Variants in OPCML observed in about 807,000 individuals in gnomAD.
The protein encoded by OPCML is opioid binding protein/cell adhesion molecule like, also known as opioid-binding protein/cell adhesion molecule.
In OPCML, 13 loss-of-function variants were observed where a neutral mutation model predicts 37.8. The observed-to-expected ratio is 0.34, with a 90% CI of 0.22 to 0.55. The LOEUF (loss-of-function observed/expected upper bound fraction) is 0.55, where lower values mean the gene tolerates loss of function less well. Ranked by LOEUF, OPCML falls within the 20% of genes least tolerant of loss-of-function variation. The pLI, the probability that OPCML is intolerant of heterozygous loss-of-function variation, is 0.91. For missense variants in OPCML, 341 were observed against 435.6 expected, an observed-to-expected ratio of 0.78 and a Z score of 1.93; for synonymous variants, 176 against 168.8, an observed-to-expected ratio of 1.04 and a Z score of -0.33.
At chr11:133,033,425 C>T (rs930234896) in intron 1 of OPCML, among the ~76,000 whole-genome samples, 6 of 152,204 alleles carry the variant, frequency 3.9e-5, no homozygotes, top group African/African-American at 1.4e-4. Flanking sequence ...TACCACCTAG[C>T]TCCTTTGACT....
chr11:133,209,449 G>T (rs1282689824), intron 1 of OPCML, among the ~76,000 whole-genome samples: 1 of 150,424 alleles, frequency 6.6e-6, no homozygotes, highest in Admixed American at 6.6e-5. Context: ...GTGTAGATAT[G>T]GCACACCCAT....
rs535645143 is a variant in OPCML at position 133,082,726 on chromosome 11, G to A, written c.62-139716C>T. On this transcript the variant is annotated intron_variant, in intron 1 of 7. Coordinates refer to ENST00000524381, the MANE Select transcript of OPCML (RefSeq NM_001012393.5). ...GGGGCTCAAGGCCCCTCTGGAGACC[G>A]CTTCTCCCCCGCGGCCCGTCCCGCC... is the stretch of plus-strand genomic sequence containing the variant. Among the ~76,000 whole-genome samples the A allele has an allele frequency of 3.6e-3, 516 of 142,468 alleles. 4 individuals are homozygous for A. The highest frequency in any genetic ancestry group is 0.013 in the African/African-American group (501 of 38,552). 93.5% of individuals were successfully genotyped at this position (142,468 alleles called of 152,430 possible).
At chr11:133,151,883 TC>T (rs1949992457) in intron 1 of OPCML, among the ~76,000 whole-genome samples, 1 of 152,176 alleles carries the variant, frequency 6.6e-6, no homozygotes, top group Admixed American at 6.5e-5. Context: ...CCATTATCCT[TC>T]CATTCAAGAC....
intron 2 of OPCML, chr11:132,860,732 T>C (rs1308527314): frequency 6.6e-6 from 1 of 152,194 alleles, no homozygotes; most frequent in Non-Finnish European, 1.5e-5. Flanking sequence ...GTTTGAACGC[T>C]TGGGGACACC....
chr11:132,462,904 C>A (rs1453421227), intron 4 of OPCML, among the ~76,000 whole-genome samples: 1 of 152,144 alleles, frequency 6.6e-6, no homozygotes, highest in Non-Finnish European at 1.5e-5. Context: ...CAAGGATGAA[C>A]AAATACCCAG....
chr11:133,415,796 C>A (rs1945747414), intron 1 of OPCML, among the ~76,000 whole-genome samples: 1 of 152,114 alleles, frequency 6.6e-6, no homozygotes, highest in Admixed American at 6.5e-5. Context: ...AGAGAGAGGT[C>A]ATGATGAGAA....
intron 1 of OPCML, among the ~76,000 whole-genome samples, chr11:133,125,874 GAC>G (rs1322295382): frequency 1.5e-5 from 2 of 135,454 alleles, no homozygotes; most frequent in African/African-American, 2.8e-5. Context: ...TGTATATATA[GAC>G]ACATGTATAT....
intron 4 of OPCML, among the ~76,000 whole-genome samples, chr11:132,510,934 C>T (rs578022905): frequency 9.9e-5 from 15 of 152,086 alleles, no homozygotes; most frequent in Admixed American, 2.0e-4. Flanking sequence ...GTCAGTATTA[C>T]AATGTATTTT....
At chr11:132,664,844 T>C (rs1942151896) in intron 2 of OPCML, among the ~76,000 whole-genome samples, 1 of 152,232 alleles carries the variant, frequency 6.6e-6, no homozygotes, top group African/African-American at 2.4e-5. Flanking sequence ...CTGCTAGAGC[T>C]AATATTTGCT....
At chr11:133,385,575 T>C (rs1466179832) in intron 1 of OPCML, among the ~76,000 whole-genome samples, 1 of 152,120 alleles carries the variant, frequency 6.6e-6, no homozygotes, top group Admixed American at 6.5e-5. Context: ...GTTGCCACGC[T>C]GTTCCAGTCT....
chr11:132,501,216 T>C (rs1185153306), intron 4 of OPCML, among the ~76,000 whole-genome samples: 1 of 152,154 alleles, frequency 6.6e-6, no homozygotes, highest in Non-Finnish European at 1.5e-5. Context: ...TTACACCTTA[T>C]ACAAAAATTA....
At chr11:133,063,500 G>A (rs1030643015) in intron 1 of OPCML, among the ~76,000 whole-genome samples, 14 of 151,998 alleles carry the variant, frequency 9.2e-5, no homozygotes, top group Admixed American at 5.2e-4. Context: ...ATGACTTTGG[G>A]TCCTATTAAT....
intron 1 of OPCML, among the ~76,000 whole-genome samples, chr11:133,136,650 G>C (rs892947812): frequency 6.6e-6 from 1 of 152,076 alleles, no homozygotes; most frequent in African/African-American, 2.4e-5. Context: ...ATAGGGAAAA[G>C]GAGAAAGGGT....
At chr11:132,452,750 C>T (rs534643417) in intron 4 of OPCML, among the ~76,000 whole-genome samples, 15 of 152,212 alleles carry the variant, frequency 9.9e-5, no homozygotes, top group African/African-American at 3.6e-4. Context: ...AACTAAAGAC[C>T]CTTTCTCAGC....
chr11:132,456,308 G>T (rs2096082674), intron 4 of OPCML, among the ~76,000 whole-genome samples: 1 of 152,304 alleles, frequency 6.6e-6, no homozygotes, highest in Non-Finnish European at 1.5e-5. Flanking sequence ...CAAAAGAAAA[G>T]ATGTCCAAGA....
intron 1 of OPCML, among the ~76,000 whole-genome samples, chr11:133,345,806 A>G (rs192079585): frequency 2.6e-5 from 4 of 152,278 alleles, no homozygotes. Flanking sequence ...AATTGCTCTG[A>G]TGACATTTCA....
chr11:133,412,443 T>G (rs1381664046), intron 1 of OPCML, among the ~76,000 whole-genome samples: 4 of 152,212 alleles, frequency 2.6e-5, no homozygotes, highest in African/African-American at 9.7e-5. Flanking sequence ...GTCAGTTTCC[T>G]GGGTGCAGAG....
chr11:133,023,337 G>A (rs1341243884), intron 1 of OPCML, among the ~76,000 whole-genome samples: 1 of 152,234 alleles, frequency 6.6e-6, no homozygotes, highest in East Asian at 1.9e-4. Flanking sequence ...TTTGCCTGCG[G>A]GTTGTGTGAT....
chr11:132,605,133 C>T (rs73049176), intron 3 of OPCML, among the ~76,000 whole-genome samples: 63 of 152,272 alleles, frequency 4.1e-4, no homozygotes, highest in Non-Finnish European at 7.2e-4. Flanking sequence ...GCTTAAGTGT[C>T]CTCTCTAGAA....
Sources: allele counts gnomAD v4.1 joint callset (sites outside exome capture counted in the v4.1 genomes callset), GRCh38; gene constraint gnomAD v4.1.1; transcripts MANE v1.5; gene names NCBI Gene and HGNC (gene_info 2026-07-23, HGNC 2026-07-21).